The following HNRNPA3 variants were observed in gnomAD, a reference collection of about 807,000 sequenced individuals.
The protein encoded by HNRNPA3 is heterogeneous nuclear ribonucleoprotein A3.
In HNRNPA3, 3 loss-of-function variants were observed where a neutral mutation model predicts 45.8. The observed-to-expected ratio is 0.07, with a 90% CI of 0.03 to 0.17. The LOEUF (loss-of-function observed/expected upper bound fraction) is 0.17. Ranked by LOEUF, HNRNPA3 falls within the 10% of genes least tolerant of loss-of-function variation. HNRNPA3 has a pLI of 1.00. For missense variants in HNRNPA3, 183 were observed against 480.3 expected, an observed-to-expected ratio of 0.38 and a Z score of 5.79; for synonymous variants, 170 against 155.6, an observed-to-expected ratio of 1.09 and a Z score of -0.69.
chr2:177,215,512 C>T, intron 1 of HNRNPA3, 27 bp from the exon 2 acceptor site: 2 of 1,611,990 alleles, frequency 1.2e-6, no homozygotes, highest in Non-Finnish European at 1.7e-6. Flanking sequence ...TGTAAGGTAA[C>T]TTAAGAGTAT....
In HNRNPA3 at chr2:177,216,608, C is replaced by T. The variant is rs969227679; in HGVS notation, c.643+16C>T. Reference sequence around the variant, plus strand: ...TCACAGAGAGGTGAGTAGGACCATACACATGTATACAGTGGATATGAGTGG... The same window carrying T: ...TCACAGAGAGGTGAGTAGGACCATATACATGTATACAGTGGATATGAGTGG... On this transcript the variant is annotated intron_variant, in intron 5 of 10. Coordinates refer to ENST00000392524, the Ensembl canonical transcript of HNRNPA3. 5 of 1,611,278 alleles carry T rather than the reference C, an allele frequency of 3.1e-6. No individual in the cohort carries two copies. The highest frequency in any genetic ancestry group is 1.3e-5 in the African/African-American group (1 of 74,840).
chr2:177,218,402 T>C (rs1689050380), intron 8 of HNRNPA3, among the ~76,000 whole-genome samples: 1 of 152,134 alleles, frequency 6.6e-6, no homozygotes. Context: ...AAAATGGACA[T>C]TTACCAGTAT....
chr2:177,213,463 T>G (rs1688779597), intron 1 of HNRNPA3, among the ~76,000 whole-genome samples: 1 of 152,256 alleles, frequency 6.6e-6, no homozygotes, highest in Admixed American at 6.5e-5. Flanking sequence ...CTAGGCCTTT[T>G]ACGGGTCCTC....
chr2:177,216,667 G>C lies in HNRNPA3; in HGVS notation c.644-9G>C. The C allele has an allele frequency of 1.2e-6, 2 of 1,614,088 alleles. No individual in the cohort carries two copies. Among genetic ancestry groups the C allele is most frequent in the Non-Finnish European group, 1.7e-6 (2 of 1,179,962 alleles). On this transcript the variant is annotated splice_polypyrimidine_tract_variant and intron_variant, in intron 5 of 10. Transcript: ENST00000392524. Reference sequence around the variant, plus strand: ...AGGTTCTTAAAAATCTCCCTTGCCTGTATTAAAGGTCGTGGAGGTGGATCT... The same window carrying C: ...AGGTTCTTAAAAATCTCCCTTGCCTCTATTAAAGGTCGTGGAGGTGGATCT...
At chr2:177,214,476 A>C (rs1466774931) in intron 1 of HNRNPA3, among the ~76,000 whole-genome samples, 2 of 150,616 alleles carry the variant, frequency 1.3e-5, no homozygotes, top group African/African-American at 2.5e-5. Context: ...CAGAACTTTT[A>C]GATTGTTCTT....
At chr2:177,214,789 A>G (rs577753835) in intron 1 of HNRNPA3, among the ~76,000 whole-genome samples, 150 of 152,298 alleles carry the variant, frequency 9.8e-4, no homozygotes, top group South Asian at 1.9e-3. Context: ...AGCGAGACTC[A>G]GTCTCAAAAA....
chr2:177,215,730 TA>T lies in HNRNPA3; in HGVS notation c.196-16del. On this transcript the variant is annotated intron_variant, in intron 2 of 10. Coordinates refer to ENST00000392524, the Ensembl canonical transcript of HNRNPA3. ...ACCGGTGGAGGTGTTTTCAACGTTA[TA>T]AAACTTTTTATTTTGTAGGTAATGA... 6.2e-7 allele frequency: 1 copy of T among 1,604,036 alleles called. No homozygotes were observed. Among genetic ancestry groups the T allele is most frequent in the Non-Finnish European group, 8.5e-7 (1 of 1,175,680 alleles).
Position 177,218,052 on chromosome 2 carries a change from C to CTTTTTTT in HNRNPA3, c.961+228_961+234dup, listed in dbSNP as rs58476089. ...ACAAATGTACTCAGCTCTCTTTTTTCTTTTTTTTTTTTTTTTTTTTTTTTT... is the reference window on the plus strand; with the variant it reads ...ACAAATGTACTCAGCTCTCTTTTTTCTTTTTTTTTTTTTTTTTTTTTTTTTTTTTTTT... On this transcript the variant is annotated intron_variant, in intron 8 of 10. Coordinates refer to ENST00000392524, the Ensembl canonical transcript of HNRNPA3. Among the ~76,000 whole-genome samples, 99 of 102,170 alleles carry CTTTTTTT rather than the reference C, an allele frequency of 9.7e-4. 5 individuals are homozygous for CTTTTTTT. Among genetic ancestry groups the CTTTTTTT allele is most frequent in the African/African-American group, 2.3e-3 (58 of 25,052 alleles). 67.0% of individuals were successfully genotyped at this position (102,170 alleles called of 152,430 possible).
chr2:177,217,653 G>A (rs561807072), intron 7 of HNRNPA3, 52 bp from the exon 8 acceptor site: 291 of 1,606,082 alleles, frequency 1.8e-4, no homozygotes, highest in Middle Eastern at 6.8e-4. Context: ...ATTGAATAAC[G>A]TGACTATACA....
chr2:177,218,682 C>T (rs1195254714), intron 8 of HNRNPA3, among the ~76,000 whole-genome samples: 1 of 152,152 alleles, frequency 6.6e-6, no homozygotes, highest in East Asian at 1.9e-4. Context: ...TAGGAATGCA[C>T]TGTTTTATTG....
At chr2:177,219,138 A>C in exon 9 of HNRNPA3, 1 of 1,614,140 alleles carries the variant, frequency 6.2e-7, no homozygotes, top group Non-Finnish European at 8.5e-7. Context: ...TGGTGGAAGA[A>C]GCTCGGGCAG....
downstream of HNRNPA3, chr2:177,223,065 TAAAAA>T (rs201537294): frequency 2.7e-5 from 4 of 148,968 alleles, no homozygotes; most frequent in Admixed American, 6.7e-5. Context: ...ATAGTTTACT[TAAAAA>T]AAAAAATCCT....
rs540623077 is a variant in HNRNPA3, at chr2:177,215,387, G to T, written c.73-152G>T. 2.8e-4 allele frequency: 210 copies of T among 763,110 alleles called. No homozygotes were observed. The East Asian group carries it at 5.5e-3, about 20-fold the overall frequency. 47.3% of individuals were successfully genotyped at this position (763,110 alleles called of 1,614,324 possible). A position where few individuals can be genotyped will look rare whatever the true frequency, so the allele number is the denominator to read the frequency against. On this transcript the variant is annotated intron_variant, in intron 1 of 10. Coordinates refer to ENST00000392524, the Ensembl canonical transcript of HNRNPA3. The stretch of plus-strand genomic sequence containing the variant: ...TGGGATTACAGGCATGAGACATCGC[G>T]CCGGTGTCTGGTCAAAGTTTTAACT...
At chr2:177,215,169 C>T (rs189720049) in intron 1 of HNRNPA3, among the ~76,000 whole-genome samples, 34 of 152,176 alleles carry the variant, frequency 2.2e-4, no homozygotes, top group African/African-American at 7.7e-4. Context: ...ATGACATGAT[C>T]TTGGCTCACC....
chr2:177,219,745 G>C (rs550285445), exon 11 of HNRNPA3: 1 of 153,450 alleles, frequency 6.5e-6, no homozygotes, highest in South Asian at 2.1e-4. Flanking sequence ...AGTGGTACCA[G>C]GAATAAAAAA....
At chr2:177,216,431 AG>A (rs1345826441) in intron 4 of HNRNPA3, 71 bp from the exon 5 acceptor site, 1 of 1,057,214 alleles carries the variant, frequency 9.5e-7, no homozygotes, top group African/African-American at 1.6e-5. Context: ...ATAATGACAG[AG>A]GGTATCTCAT....
intron 8 of HNRNPA3, 139 bp downstream of exon 8, chr2:177,217,984 C>A (rs150134711): frequency 1.4e-6 from 1 of 710,118 alleles, no homozygotes; most frequent in Non-Finnish European, 2.1e-6. Context: ...GTTGGTAGTT[C>A]AAACCAAATT....
At chr2:177,221,108 G>A (rs1689171631), downstream of HNRNPA3, 1 of 152,634 alleles carries the variant, frequency 6.6e-6, no homozygotes, top group Admixed American at 6.5e-5. Context: ...ACATACTGCA[G>A]TTTTCCAGAA....
In HNRNPA3 at chr2:177,216,855, C is replaced by T. The variant is rs753005852; in HGVS notation, c.740-5C>T. Reference sequence around the variant, plus strand: ...TATTTTAATTCATTTCTTGTTTTTCCTCAGGAGGCTATGGTGGTGGAGGTG... The same window carrying T: ...TATTTTAATTCATTTCTTGTTTTTCTTCAGGAGGCTATGGTGGTGGAGGTG... On this transcript the variant is annotated splice_polypyrimidine_tract_variant and splice_region_variant and intron_variant, in intron 6 of 10. Coordinates refer to ENST00000392524, the Ensembl canonical transcript of HNRNPA3. 6.5e-5 allele frequency: 104 copies of T among 1,611,896 alleles called. No individual in the cohort carries two copies. The highest frequency in any genetic ancestry group is 8.5e-5 in the Non-Finnish European group (100 of 1,179,560).
Sources: gnomAD v4.1 joint callset for allele counts (sites outside exome capture counted in the v4.1 genomes callset) on GRCh38, gnomAD v4.1.1 for gene constraint, MANE v1.5 for transcripts, NCBI Gene and HGNC (gene_info 2026-07-23, HGNC 2026-07-21) for gene names.